The following PRAG1 variants were observed in gnomAD, a reference collection of about 807,000 sequenced individuals.
PRAG1 encodes PEAK1 related, kinase-activating pseudokinase 1, also known as inactive tyrosine-protein kinase PRAG1.
In PRAG1, 110 loss-of-function variants were observed where a neutral mutation model predicts 95.6. The ratio of observed to expected loss-of-function variants is 1.15; its 90% CI spans 0.99 to 1.35. PRAG1 has a LOEUF of 1.35. Among genes scored for constraint, PRAG1 ranks in the 40% most tolerant of loss-of-function variants. The probability of loss-of-function intolerance (pLI) is 0.00; values close to 1 mark genes in which losing one functional copy is unlikely to be tolerated. For missense variants in PRAG1, 2,554 were observed against 1,864.7 expected (o/e 1.37, Z -6.81); for synonymous variants, 1,052 against 819.4 (o/e 1.28, Z -4.85).
intron 2 of PRAG1, among the ~76,000 whole-genome samples, chr8:8,379,282 G>T (rs1163128970): frequency 3.3e-5 from 5 of 152,194 alleles, no homozygotes; most frequent in African/African-American, 1.2e-4. Context: ...GACTCGTTGG[G>T]CTATGAGACA....
In PRAG1 at chr8:8,360,664, C is replaced by T. The variant is rs578189685; in HGVS notation, c.2162+15583G>A. Among the ~76,000 whole-genome samples the T allele has an allele frequency of 3.3e-5, 5 of 152,352 alleles. No homozygotes were observed. In the South Asian group the frequency reaches 1.0e-3, roughly 32 times the overall value. On this transcript the variant is annotated intron_variant, in intron 3 of 5. Coordinates refer to ENST00000615670, the MANE Select transcript of PRAG1 (RefSeq NM_001080826.3). The stretch of plus-strand genomic sequence containing the variant: ...TCTTAGTAACAAAGTGCAGTTTTAA[C>T]ATTCCTTGCCCAAGGGGGCTTTCTT...
At chr8:8,364,359 G>C (rs1351545146) in intron 3 of PRAG1, among the ~76,000 whole-genome samples, 2 of 151,986 alleles carry the variant, frequency 1.3e-5, no homozygotes, top group Non-Finnish European at 2.9e-5. Flanking sequence ...TTTTCTACTG[G>C]TTTCCACATA....
At chr8:8,336,377 C>T (rs1215440269) in intron 4 of PRAG1, among the ~76,000 whole-genome samples, 1 of 152,180 alleles carries the variant, frequency 6.6e-6, no homozygotes, top group African/African-American at 2.4e-5. Context: ...CCATTCCCTG[C>T]AAAAACCTTC....
intron 1 of PRAG1, among the ~76,000 whole-genome samples, chr8:8,384,370 C>T (rs896805106): frequency 2.7e-4 from 41 of 151,958 alleles, no homozygotes; most frequent in African/African-American, 8.7e-4. Context: ...GAGAATGTCT[C>T]ATCAGTTTAC....
In PRAG1 at chr8:8,376,497, G is replaced by C; in HGVS notation, c.1912C>G (p.Arg638Gly). Residue 638 changes from arginine to glycine, a missense_variant, in exon 3 of 6, where the codon CGG (arginine) becomes GGG (glycine). Transcript: ENST00000615670. ...FQAGTWSRQC[R>G]IEEEEEVEQE... is the part of the protein sequence containing the mutation. ...TCCACCTCCTCTTCTTCCTCTATCC[G>C]GCACTGACGACTCCAGGTGCCTGCC... The C allele has an allele frequency of 6.2e-7, 1 of 1,612,370 alleles. No individual in the cohort carries two copies. The highest frequency in any genetic ancestry group is 8.5e-7 in the Non-Finnish European group (1 of 1,178,962).
chr8:8,342,924 T>C (rs1563236931), intron 3 of PRAG1, among the ~76,000 whole-genome samples: 1 of 152,098 alleles, frequency 6.6e-6, no homozygotes, highest in Non-Finnish European at 1.5e-5. Context: ...AATTTAAAAC[T>C]TCTGCCTCAT....
chr8:8,371,908 G>T (rs990754087), intron 3 of PRAG1, among the ~76,000 whole-genome samples: 1 of 152,042 alleles, frequency 6.6e-6, no homozygotes, highest in African/African-American at 2.4e-5. Flanking sequence ...CACTTTCTTG[G>T]GGAAATTTTT....
chr8:8,385,681 T>A (rs151317066), intron 1 of PRAG1, among the ~76,000 whole-genome samples: 80 of 152,346 alleles, frequency 5.3e-4, no homozygotes, highest in African/African-American at 1.8e-3. Context: ...CACCGTGAGC[T>A]GGCGCTCTCC....
intron 4 of PRAG1, among the ~76,000 whole-genome samples, chr8:8,331,923 G>A (rs940611363): frequency 3.2e-4 from 48 of 152,238 alleles, no homozygotes; most frequent in Non-Finnish European, 5.7e-4. Context: ...ATTAGCACAT[G>A]CACTGATTAA....
chr8:8,356,480 T>C (rs982127966), intron 3 of PRAG1, among the ~76,000 whole-genome samples: 11 of 152,118 alleles, frequency 7.2e-5, no homozygotes, highest in African/African-American at 2.7e-4. Context: ...CAAGTAGCTG[T>C]TACTACAGGC....
intron 2 of PRAG1, among the ~76,000 whole-genome samples, chr8:8,381,083 C>T (rs1198084544): frequency 6.6e-6 from 1 of 151,948 alleles, no homozygotes; most frequent in Admixed American, 6.6e-5. Context: ...ATTCACTTTG[C>T]AATTATTGCT....
At chr8:8,379,119 G>A (rs926525136) in intron 2 of PRAG1, among the ~76,000 whole-genome samples, 1 of 151,824 alleles carries the variant, frequency 6.6e-6, no homozygotes, top group East Asian at 1.9e-4. Flanking sequence ...TCAGAGTGAG[G>A]GGTGTTTTCT....
At chr8:8,380,991 G>A (rs898089907) in intron 2 of PRAG1, among the ~76,000 whole-genome samples, 1 of 152,062 alleles carries the variant, frequency 6.6e-6, no homozygotes, top group African/African-American at 2.4e-5. Context: ...AGGGAAGGGG[G>A]TCAGTGTGAG....
chr8:8,370,532 A>G, intron 3 of PRAG1, among the ~76,000 whole-genome samples: 1 of 152,240 alleles, frequency 6.6e-6, no homozygotes. Context: ...AAAGGCCGTT[A>G]TGCATCAAGA....
In PRAG1 at chr8:8,327,849, T is replaced by C; in HGVS notation, c.2933A>G (p.Gln978Arg). 6.2e-7 allele frequency: 1 copy of C among 1,614,236 alleles called. No individual in the cohort carries two copies. Among genetic ancestry groups the C allele is most frequent in the Non-Finnish European group, 8.5e-7 (1 of 1,180,048 alleles). The change falls in exon 5 of 6, where the codon CAG becomes CGG. Residue 978 changes from glutamine (Q) to arginine (R), a missense_variant. Gln to Arg is a conservative substitution (Grantham distance 43, BLOSUM62 1). Transcript: ENST00000615670. ...CTCATTGAAGTGGAGCTCCTTTTTC[T>C]GGCCGCCCATGAAGAGGTCCTCACA... Reference protein sequence around the residue: ...AKCEDLFMGGQKKELHFNENN... With the variant: ...AKCEDLFMGGRKKELHFNENN...
intron 3 of PRAG1, among the ~76,000 whole-genome samples, chr8:8,347,569 TTGG>T (rs1295808952): frequency 6.6e-6 from 1 of 151,742 alleles, no homozygotes; most frequent in Non-Finnish European, 1.5e-5. Context: ...TCGAGTTTTC[TTGG>T]TGGATAAGAA....
rs182937466 is a variant in PRAG1, at chr8:8,371,946, A to T, written c.2162+4301T>A. On this transcript the variant is annotated intron_variant, in intron 3 of 5. Transcript: ENST00000615670. ...TTTGATTAGTCTCACCTAGGGCCAG[A>T]CCATTTAGACACTGAAACCACATGA... Among the ~76,000 whole-genome samples the T allele has an allele frequency of 1.1e-3, 169 of 152,282 alleles. 2 individuals carry two copies. The South Asian group carries it at 0.013, about 11-fold the overall frequency.
At chr8:8,341,855 G>A (rs541410221) in intron 3 of PRAG1, among the ~76,000 whole-genome samples, 12 of 152,274 alleles carry the variant, frequency 7.9e-5, no homozygotes, top group Admixed American at 2.0e-4. Context: ...AATGACGGCC[G>A]GATACGGTGG....
intron 3 of PRAG1, among the ~76,000 whole-genome samples, chr8:8,356,527 T>A (rs549043212): frequency 6.6e-6 from 1 of 152,234 alleles, no homozygotes; most frequent in Non-Finnish European, 1.5e-5. Flanking sequence ...TTTGTATTTT[T>A]TGTAGAGATG....
Sources: gnomAD v4.1 joint callset for allele counts (sites outside exome capture counted in the v4.1 genomes callset) on GRCh38, gnomAD v4.1.1 for gene constraint, MANE v1.5 for transcripts, NCBI Gene and HGNC (gene_info 2026-07-23, HGNC 2026-07-21) for gene names.